The following TOGARAM1 variants were observed in gnomAD, a reference collection of about 807,000 sequenced individuals.
TOGARAM1 encodes TOG array regulator of axonemal microtubules protein 1.
Under a neutral mutation model 166.6 loss-of-function variants are expected in TOGARAM1, and 100 were observed. The ratio of observed to expected loss-of-function variants is 0.60; its 90% CI spans 0.51 to 0.71. The LOEUF (loss-of-function observed/expected upper bound fraction) is 0.71. Ranked by LOEUF, TOGARAM1 falls within the 30% of genes least tolerant of loss-of-function variation. The probability of loss-of-function intolerance (pLI) is 0.00; values close to 1 mark genes in which losing one functional copy is unlikely to be tolerated. For synonymous variants in TOGARAM1, 758 were observed against 763.8 expected (o/e 0.99, Z 0.13); for missense variants, 2,029 against 2,102.7 (o/e 0.96, Z 0.69).
intron 1 of TOGARAM1, among the ~76,000 whole-genome samples, chr14:44,985,785 A>T (rs1198400903): frequency 6.6e-6 from 1 of 152,230 alleles, no homozygotes; most frequent in Non-Finnish European, 1.5e-5. Flanking sequence ...TTCATTGGTT[A>T]TTCTATGATG....
intron 16 of TOGARAM1, among the ~76,000 whole-genome samples, 158 bp from the exon 17 acceptor site, chr14:45,066,420 C>A (rs1461137586): frequency 2.6e-5 from 4 of 152,004 alleles, no homozygotes; most frequent in Non-Finnish European, 5.9e-5. Context: ...ATCCTGGGGA[C>A]CCCCAGGAGA....
Position 45,054,494 on chromosome 14 carries a change from G to C in TOGARAM1, c.4504G>C (p.Val1502Leu). The change falls in exon 16 of 20, where the codon GTT becomes CTT. Residue 1502 changes from valine to leucine, a missense_variant. Coordinates refer to ENST00000361462, the MANE Select transcript of TOGARAM1 (RefSeq NM_001308120.2). ...AKGRRSHTGS[V>L]GNTRSSSVSR... ...AGGAAGACGATCTCATACTGGCAGT[G>C]TTGGAAATACAAGATCATCATCTGT... is the stretch of plus-strand genomic sequence containing the variant. 1.2e-6 allele frequency: 2 copies of C among 1,613,708 alleles called. No individual in the cohort carries two copies. Among genetic ancestry groups the C allele is most frequent in the Non-Finnish European group, 1.7e-6 (2 of 1,179,774 alleles).
At position 45,052,514 on chromosome 14, in the gene TOGARAM1, T is replaced by C; in HGVS notation, c.4392T>C (p.Ser1464=). 1 of 1,612,790 alleles carries C rather than the reference T, an allele frequency of 6.2e-7. No individual in the cohort carries two copies. The highest frequency in any genetic ancestry group is 8.5e-7 in the Non-Finnish European group (1 of 1,179,370). The change falls in exon 15 of 20, where the codon TCT becomes TCC. Residue 1464 remains serine (S), a synonymous_variant. Transcript: ENST00000361462. ...FEKMLEKYVP[S]KDLPYIKDSV... ...AAATGCTTGAAAAGTATGTCCCATC[T>C]AAAGATTTGCCATATATTAAGGACT...
chr14:45,020,727 G>A (rs1880450731), intron 7 of TOGARAM1, among the ~76,000 whole-genome samples: 1 of 152,216 alleles, frequency 6.6e-6, no homozygotes, highest in African/African-American at 2.4e-5. Context: ...ATTTGTGTGG[G>A]AGGAGTTACC....
intron 16 of TOGARAM1, among the ~76,000 whole-genome samples, chr14:45,061,756 G>A (rs1040123687): frequency 2.6e-5 from 4 of 151,440 alleles, no homozygotes; most frequent in African/African-American, 9.8e-5. Flanking sequence ...ATATTACTGG[G>A]TTTTATTTAC....
chr14:45,057,550 A>G (rs1882699528), intron 16 of TOGARAM1, among the ~76,000 whole-genome samples: 1 of 151,942 alleles, frequency 6.6e-6, no homozygotes, highest in Non-Finnish European at 1.5e-5. Flanking sequence ...CCTCAGCCTC[A>G]CGAAGTGCTT....
chr14:45,071,908 A>T, intron 19 of TOGARAM1, 110 bp downstream of exon 19: 1 of 718,064 alleles, frequency 1.4e-6, no homozygotes, highest in Non-Finnish European at 2.2e-6. Context: ...CTACCCACAA[A>T]GTAGAAATAA....
intron 1 of TOGARAM1, among the ~76,000 whole-genome samples, chr14:44,971,529 T>C (rs1049822719): frequency 2.0e-5 from 3 of 152,190 alleles, no homozygotes; most frequent in Non-Finnish European, 4.4e-5. Context: ...TTGATTTCCT[T>C]TTTTCAGTTT....
At chr14:45,045,708 T>TATATATAC (rs1289689887) in intron 13 of TOGARAM1, among the ~76,000 whole-genome samples, 4 of 130,272 alleles carry the variant, frequency 3.1e-5, no homozygotes, top group Non-Finnish European at 6.5e-5. Context: ...TATATGTGTA[T>TATATATAC]ATATATACAC....
At chr14:45,067,608 C>T (rs1314900643) in intron 17 of TOGARAM1, among the ~76,000 whole-genome samples, 3 of 151,994 alleles carry the variant, frequency 2.0e-5, no homozygotes, top group African/African-American at 7.2e-5. Context: ...GGCAAACATA[C>T]CATAAGTACT....
intron 7 of TOGARAM1, chr14:45,023,064 G>GAGC (rs1409098550): frequency 1.3e-5 from 2 of 152,116 alleles, no homozygotes; most frequent in Admixed American, 1.3e-4. Context: ...TCTGCCAGCT[G>GAGC]AGCACTAGTT....
chr14:44,968,750 T>C (rs1348202778), intron 1 of TOGARAM1, among the ~76,000 whole-genome samples: 1 of 152,246 alleles, frequency 6.6e-6, no homozygotes, highest in Middle Eastern at 3.2e-3. Flanking sequence ...GATTCACTCT[T>C]GTGTTGTACA....
chr14:45,057,080 G>T (rs1004757236), intron 16 of TOGARAM1, among the ~76,000 whole-genome samples: 3 of 152,016 alleles, frequency 2.0e-5, no homozygotes, highest in Non-Finnish European at 4.4e-5. Flanking sequence ...CAGGATTTCT[G>T]TTTCTTCCTA....
chr14:45,009,247 TTTTTAAAATGTTAAAATATA>T, intron 6 of TOGARAM1, 102 bp downstream of exon 6: 1 of 852,958 alleles, frequency 1.2e-6, no homozygotes, highest in Non-Finnish European at 1.8e-6. Flanking sequence ...TATGTTTTAG[TTTTTAAAATGTTAAAATATA>T]TTTAAAAGAC....
chr14:45,001,255 C>T (rs888196845), intron 3 of TOGARAM1, among the ~76,000 whole-genome samples: 5 of 152,128 alleles, frequency 3.3e-5, no homozygotes, highest in South Asian at 2.1e-4. Context: ...AAAATCGAAT[C>T]AAAATTTATT....
intron 11 of TOGARAM1, among the ~76,000 whole-genome samples, chr14:45,037,999 C>T (rs981377951): frequency 1.3e-5 from 2 of 151,678 alleles, no homozygotes; most frequent in Admixed American, 6.6e-5. Context: ...GCCTGGGTGA[C>T]AGAGCGAGAC....
At chr14:44,975,183 A>G (rs1414494515) in intron 1 of TOGARAM1, among the ~76,000 whole-genome samples, 2 of 152,200 alleles carry the variant, frequency 1.3e-5, no homozygotes, top group African/African-American at 4.8e-5. Context: ...CCACTTTGAC[A>G]CAGATCAACT....
intron 3 of TOGARAM1, among the ~76,000 whole-genome samples, chr14:45,000,604 C>T (rs531054795): frequency 7.9e-5 from 12 of 152,186 alleles, no homozygotes; most frequent in East Asian, 3.9e-4. Context: ...GTTCTTCTGC[C>T]GATGGACACT....
At chr14:44,982,728 C>A (rs1194177261) in intron 1 of TOGARAM1, among the ~76,000 whole-genome samples, 1 of 152,134 alleles carries the variant, frequency 6.6e-6, no homozygotes, top group African/African-American at 2.4e-5. Context: ...CTAATTTGTG[C>A]AAAACTGAGT....
Sources: gnomAD v4.1 joint callset for allele counts (sites outside exome capture counted in the v4.1 genomes callset) on GRCh38, gnomAD v4.1.1 for gene constraint, MANE v1.5 for transcripts, NCBI Gene and HGNC (gene_info 2026-07-23, HGNC 2026-07-21) for gene names.